The following ZMIZ1 variants were observed in gnomAD, a reference collection of about 807,000 sequenced individuals.
ZMIZ1 encodes the protein zinc finger MIZ domain-containing protein 1.
ZMIZ1 carries 17 observed loss-of-function variants against 113.9 expected under a neutral mutation model. The observed-to-expected ratio is 0.15, with a 90% CI of 0.10 to 0.22. The LOEUF (loss-of-function observed/expected upper bound fraction) is 0.22, where lower values mean the gene tolerates loss of function less well. Ranked by LOEUF, ZMIZ1 falls within the 10% of genes least tolerant of loss-of-function variation. The probability of loss-of-function intolerance (pLI) is 1.00; values close to 1 mark genes in which losing one functional copy is unlikely to be tolerated. For synonymous variants in ZMIZ1, 607 were observed against 603.1 expected (o/e 1.01, Z -0.09); for missense variants, 1,059 against 1,477.8 (o/e 0.72, Z 4.65).
chr10:79,213,315 G>A (rs1357729297), intron 6 of ZMIZ1, among the ~76,000 whole-genome samples: 1 of 152,144 alleles, frequency 6.6e-6, no homozygotes, highest in Non-Finnish European at 1.5e-5. Context: ...GGAACCCAGG[G>A]GATAGGAATG....
chr10:79,103,279 G>A (rs1843433860), intron 1 of ZMIZ1, among the ~76,000 whole-genome samples: 1 of 152,008 alleles, frequency 6.6e-6, no homozygotes, highest in African/African-American at 2.4e-5. Context: ...CGGGGCTCGA[G>A]GGCCGTGGGG....
intron 7 of ZMIZ1, among the ~76,000 whole-genome samples, chr10:79,232,179 G>A (rs904616515): frequency 3.3e-5 from 5 of 152,314 alleles, no homozygotes; most frequent in Middle Eastern, 3.4e-3. Context: ...TGCTGTCTGC[G>A]TTGAGGATTA....
rs563760631 is a variant in ZMIZ1, at chr10:79,071,289, C to A, written c.-337+2019C>A. Among the ~76,000 whole-genome samples, 43 of 152,360 alleles carry A rather than the reference C, an allele frequency of 2.8e-4. 1 individual carries two copies. Among genetic ancestry groups the A allele is most frequent in the Admixed American group, 2.4e-3 (37 of 15,310 alleles). On this transcript the variant is annotated intron_variant, in intron 1 of 24. Coordinates refer to ENST00000334512, the MANE Select transcript of ZMIZ1 (RefSeq NM_020338.4). ...GGGCCTGGTAGACCAGAGGGTTAAC[C>A]AGTGCCGACTCCTCCTCCCTGGTGG...
chr10:79,240,624 T>A (rs564883898), intron 7 of ZMIZ1, among the ~76,000 whole-genome samples: 1 of 146,962 alleles, frequency 6.8e-6, no homozygotes, highest in South Asian at 2.1e-4. Flanking sequence ...GTAAATCTAG[T>A]GAAGAGTATT....
At chr10:79,111,165 G>C (rs921472707) in intron 1 of ZMIZ1, among the ~76,000 whole-genome samples, 1 of 152,186 alleles carries the variant, frequency 6.6e-6, no homozygotes, top group Non-Finnish European at 1.5e-5. Context: ...TCCAGTAGAG[G>C]ATGCAATGTC....
In ZMIZ1 at chr10:79,171,584, C is replaced by T. The variant is rs184253689; in HGVS notation, c.-50+9451C>T. Among the ~76,000 whole-genome samples the T allele has an allele frequency of 2.4e-3, 370 of 152,306 alleles. 1 individual carries two copies. Among genetic ancestry groups the T allele is most frequent in the African/African-American group, 8.2e-3 (341 of 41,562 alleles). On this transcript the variant is annotated intron_variant, in intron 4 of 24. Coordinates refer to ENST00000334512, the MANE Select transcript of ZMIZ1 (RefSeq NM_020338.4). The stretch of plus-strand genomic sequence containing the variant: ...CAGGAGACAAAGAAACAGACCTGTG[C>T]CAGCCACAGGGGAGCTCACAGTCTA...
intron 18 of ZMIZ1, among the ~76,000 whole-genome samples, chr10:79,303,613 G>A (rs1454176277): frequency 1.3e-5 from 2 of 152,158 alleles, no homozygotes; most frequent in African/African-American, 2.4e-5. Flanking sequence ...GCAGCTGTCC[G>A]TTTCCATTTC....
intron 1 of ZMIZ1, among the ~76,000 whole-genome samples, chr10:79,081,772 C>T (rs894473017): frequency 1.3e-5 from 2 of 152,380 alleles, no homozygotes; most frequent in African/African-American, 4.8e-5. Flanking sequence ...TTCTGGCCTC[C>T]TCCTGCCAGC....
At chr10:79,103,042 C>T (rs555208597) in intron 1 of ZMIZ1, among the ~76,000 whole-genome samples, 4 of 152,154 alleles carry the variant, frequency 2.6e-5, no homozygotes, top group African/African-American at 9.6e-5. Flanking sequence ...GTAGTAATGT[C>T]GAGCGATGTG....
intron 1 of ZMIZ1, among the ~76,000 whole-genome samples, chr10:79,106,388 A>G (rs893346763): frequency 6.6e-6 from 1 of 152,244 alleles, no homozygotes; most frequent in African/African-American, 2.4e-5. Flanking sequence ...TGAGGCTACA[A>G]GGAGCTCTGT....
At chr10:79,076,060 G>C (rs995604533) in intron 1 of ZMIZ1, among the ~76,000 whole-genome samples, 1 of 152,188 alleles carries the variant, frequency 6.6e-6, no homozygotes, top group African/African-American at 2.4e-5. Context: ...GAACCTCTCT[G>C]ACTCTGGGGT....
At chr10:79,266,497 AG>A (rs779591410) in intron 7 of ZMIZ1, among the ~76,000 whole-genome samples, 5 of 152,198 alleles carry the variant, frequency 3.3e-5, no homozygotes, top group Non-Finnish European at 7.3e-5. Flanking sequence ...GAGAACCAAA[AG>A]GTTGTGTGCT....
At position 79,212,607 on chromosome 10, in the gene ZMIZ1, T is replaced by C. The variant is rs182523480; in HGVS notation, c.175-3562T>C. 3.2e-4 allele frequency among the ~76,000 whole-genome samples: 48 copies of C among 151,956 alleles called. 1 individual carries two copies. In the East Asian group the frequency reaches 7.6e-3, roughly 24 times the overall value. On this transcript the variant is annotated intron_variant, in intron 6 of 24. Coordinates refer to ENST00000334512, the MANE Select transcript of ZMIZ1 (RefSeq NM_020338.4). Reference sequence around the variant, plus strand: ...TCTCTACTAAAAGTACAAAAGAAAATTAGCTGGACGTGGTGGCACACGCCT... The same window carrying C: ...TCTCTACTAAAAGTACAAAAGAAAACTAGCTGGACGTGGTGGCACACGCCT...
At chr10:79,205,083 T>G (rs992988479) in intron 5 of ZMIZ1, among the ~76,000 whole-genome samples, 1 of 152,236 alleles carries the variant, frequency 6.6e-6, no homozygotes, top group Non-Finnish European at 1.5e-5. Context: ...AATTCATCAT[T>G]TCAAGGCATT....
rs1041902313 is a variant in ZMIZ1 at position 79,106,897 on chromosome 10, C to T, written c.-336-12018C>T. ...AGATTTTCTAGGACAGCCCTGGTTT[C>T]AGATCCTTCATCTATTGTTCTTGAG... On this transcript the variant is annotated intron_variant, in intron 1 of 24. Coordinates refer to ENST00000334512, the MANE Select transcript of ZMIZ1 (RefSeq NM_020338.4). 1.3e-5 allele frequency among the ~76,000 whole-genome samples: 2 copies of T among 152,372 alleles called. 1 individual carries two copies. The highest frequency in any genetic ancestry group is 6.8e-3 in the Middle Eastern group (2 of 294).
chr10:79,076,010 G>A (rs753405967), intron 1 of ZMIZ1, among the ~76,000 whole-genome samples: 1 of 152,126 alleles, frequency 6.6e-6, no homozygotes, highest in Non-Finnish European at 1.5e-5. Flanking sequence ...CTCTTAGCTC[G>A]GGAGCTTCGG....
At chr10:79,203,228 T>C (rs1345467887) in intron 5 of ZMIZ1, among the ~76,000 whole-genome samples, 5 of 152,206 alleles carry the variant, frequency 3.3e-5, no homozygotes, top group Non-Finnish European at 7.3e-5. Context: ...CCAGTGGAAC[T>C]GAGGCTGTTC....
chr10:79,107,340 G>A (rs898181253), intron 1 of ZMIZ1, among the ~76,000 whole-genome samples: 7 of 152,242 alleles, frequency 4.6e-5, no homozygotes, highest in African/African-American at 1.7e-4. Context: ...GTGACTTTTG[G>A]TGAGTTCCTT....
chr10:79,090,634 T>C (rs61016247), intron 1 of ZMIZ1, among the ~76,000 whole-genome samples: 2,077 of 152,312 alleles, frequency 0.014, 48 homozygotes, highest in African/African-American at 0.047. Context: ...GAGTTGCAGA[T>C]AGTGGCTGGG....
Sources: allele counts gnomAD v4.1 joint callset (sites outside exome capture counted in the v4.1 genomes callset), GRCh38; gene constraint gnomAD v4.1.1; transcripts MANE v1.5; gene names NCBI Gene and HGNC (gene_info 2026-07-23, HGNC 2026-07-21).